Variants in TMEM123 observed in about 807,000 individuals in gnomAD.
The protein encoded by TMEM123 is transmembrane protein 123.
TMEM123 carries 16 observed loss-of-function variants against 19.7 expected under a neutral mutation model. The observed-to-expected ratio is 0.81, with a 90% CI of 0.55 to 1.23. The LOEUF (loss-of-function observed/expected upper bound fraction) is 1.23, where lower values mean the gene tolerates loss of function less well. TMEM123 is among the 50% of genes most tolerant of loss of function. The probability of loss-of-function intolerance (pLI) is 0.00; values close to 1 mark genes in which losing one functional copy is unlikely to be tolerated. For missense variants in TMEM123, 313 were observed against 257.8 expected (o/e 1.21, Z -1.47); for synonymous variants, 118 against 99.4 (o/e 1.19, Z -1.12).
chr11:102,408,903 G>A (rs1177150653), intron 2 of TMEM123, among the ~76,000 whole-genome samples: 1 of 152,188 alleles, frequency 6.6e-6, no homozygotes, highest in Non-Finnish European at 1.5e-5. Context: ...ACACTGTGAA[G>A]CAGTCCATTT....
At position 102,429,941 on chromosome 11, in the gene TMEM123, G is replaced by A. The variant is rs113193582; in HGVS notation, c.157+18871C>T. Among the ~76,000 whole-genome samples, 351 of 152,344 alleles carry A rather than the reference G, an allele frequency of 2.3e-3. 4 individuals carry two copies. Among genetic ancestry groups the A allele is most frequent in the African/African-American group, 7.9e-3 (330 of 41,570 alleles). ...ACCCGAGCATCTCCAGAAGCAGCCT[G>A]TGCGATGGGAGCACCACACAGCAGG... On this transcript the variant is annotated intron_variant, in intron 2 of 4. Transcript: ENST00000398136.
chr11:102,414,867 AC>A (rs919451816), intron 2 of TMEM123, among the ~76,000 whole-genome samples: 85 of 152,268 alleles, frequency 5.6e-4, no homozygotes, highest in African/African-American at 1.9e-3. Context: ...TTGAATGTAA[AC>A]CAACTAGATG....
At chr11:102,432,861 T>C (rs1341539449) in intron 2 of TMEM123, among the ~76,000 whole-genome samples, 1 of 147,532 alleles carries the variant, frequency 6.8e-6, no homozygotes, top group South Asian at 2.1e-4. Context: ...GGGGTCAAAG[T>C]ACAGCTCAGG....
At chr11:102,439,290 C>G (rs1305779260) in intron 2 of TMEM123, among the ~76,000 whole-genome samples, 2 of 152,094 alleles carry the variant, frequency 1.3e-5, no homozygotes, top group Non-Finnish European at 2.9e-5. Context: ...GGACAGACTG[C>G]CTCCTAAAGT....
chr11:102,446,641 C>G (rs148710866), intron 2 of TMEM123, among the ~76,000 whole-genome samples: 382 of 152,280 alleles, frequency 2.5e-3, no homozygotes, highest in African/African-American at 8.8e-3. Flanking sequence ...TACTATGCAC[C>G]AGGCATAGAG....
At chr11:102,400,883 T>G (rs1475330522) in intron 4 of TMEM123, among the ~76,000 whole-genome samples, 1 of 152,102 alleles carries the variant, frequency 6.6e-6, no homozygotes, top group Non-Finnish European at 1.5e-5. Flanking sequence ...CAGCATGAAC[T>G]AAGACAACAC....
At chr11:102,419,294 T>C (rs1288987489) in intron 2 of TMEM123, among the ~76,000 whole-genome samples, 2 of 152,266 alleles carry the variant, frequency 1.3e-5, no homozygotes, top group Non-Finnish European at 2.9e-5. Context: ...TCCTTATTCA[T>C]GTTTCCTCAT....
chr11:102,452,477 C>A, intron 1 of TMEM123, 47 bp downstream of exon 1: 1 of 1,379,612 alleles, frequency 7.2e-7, no homozygotes, highest in East Asian at 2.9e-5. Flanking sequence ...GCCTCGGCAG[C>A]GCGCTGCCTC....
At chr11:102,423,280 C>T (rs1482080128) in intron 2 of TMEM123, among the ~76,000 whole-genome samples, 3 of 152,158 alleles carry the variant, frequency 2.0e-5, no homozygotes, top group Non-Finnish European at 4.4e-5. Context: ...AGCCTCATTC[C>T]ACTTCTCTTG....
Position 102,397,129 on chromosome 11 carries a change from TC to T in TMEM123, c.*1737del, listed in dbSNP as rs1951864111. The stretch of plus-strand genomic sequence containing the variant: ...ATCTAAATGTATTTTTCAGAAAATT[TC>T]CTCCATACTCCATGTATGTGTTACA... On this transcript the variant is annotated 3_prime_UTR_variant, in exon 5 of 5. Coordinates refer to ENST00000398136, the MANE Select transcript of TMEM123 (RefSeq NM_052932.3). 6.6e-6 allele frequency: 1 copy of T among 152,314 alleles called. No homozygotes were observed. Among genetic ancestry groups the T allele is most frequent in the East Asian group, 1.9e-4 (1 of 5,180 alleles). 9.4% of individuals were successfully genotyped at this position (152,314 alleles called of 1,614,324 possible).
At chr11:102,424,737 C>T (rs1415697888) in intron 2 of TMEM123, among the ~76,000 whole-genome samples, 1 of 150,678 alleles carries the variant, frequency 6.6e-6, no homozygotes, top group Non-Finnish European at 1.5e-5. Context: ...GCACAGAAGA[C>T]CCTGAGTTTC....
chr11:102,427,029 A>G (rs1167956318), intron 2 of TMEM123, among the ~76,000 whole-genome samples: 2 of 151,034 alleles, frequency 1.3e-5, no homozygotes, highest in African/African-American at 4.9e-5. Flanking sequence ...TACAGGAGAG[A>G]ACTCTGAGAT....
chr11:102,408,620 C>A (rs1951976204), intron 2 of TMEM123, among the ~76,000 whole-genome samples: 1 of 152,212 alleles, frequency 6.6e-6, no homozygotes, highest in Non-Finnish European at 1.5e-5. Flanking sequence ...CTGAGAAGTG[C>A]TCAATTAATT....
intron 2 of TMEM123, among the ~76,000 whole-genome samples, chr11:102,431,324 T>C (rs1857707038): frequency 6.6e-6 from 1 of 152,246 alleles, no homozygotes; most frequent in Admixed American, 6.5e-5. Context: ...AGTGATGTTA[T>C]GATTTATGAA....
intron 1 of TMEM123, among the ~76,000 whole-genome samples, chr11:102,450,445 C>T (rs1222542485): frequency 6.6e-6 from 1 of 152,218 alleles, no homozygotes. Flanking sequence ...ACAATAAATC[C>T]TGTTTGCTGA....
chr11:102,422,654 C>A (rs147283988), intron 2 of TMEM123, among the ~76,000 whole-genome samples: 24 of 152,200 alleles, frequency 1.6e-4, no homozygotes, highest in African/African-American at 5.1e-4. Flanking sequence ...TACTTCACAC[C>A]AATCTATTTC....
intron 2 of TMEM123, among the ~76,000 whole-genome samples, chr11:102,403,299 C>G (rs1441695316): frequency 6.6e-6 from 1 of 152,210 alleles, no homozygotes; most frequent in Non-Finnish European, 1.5e-5. Context: ...CATGAGCCAC[C>G]GTGCCCGGCC....
At chr11:102,447,086 AAC>A (rs1857892734) in intron 2 of TMEM123, among the ~76,000 whole-genome samples, 3 of 152,224 alleles carry the variant, frequency 2.0e-5, no homozygotes, top group African/African-American at 7.2e-5. Flanking sequence ...TGAGGCGTAA[AAC>A]ACATTGTGCA....
chr11:102,431,738 G>A (rs1424324485), intron 2 of TMEM123, among the ~76,000 whole-genome samples: 2 of 152,168 alleles, frequency 1.3e-5, no homozygotes, highest in Non-Finnish European at 2.9e-5. Flanking sequence ...TGGTGATATG[G>A]GCTGGCTGTG....
Sources: gnomAD v4.1 joint callset for allele counts (sites outside exome capture counted in the v4.1 genomes callset) on GRCh38, gnomAD v4.1.1 for gene constraint, MANE v1.5 for transcripts, NCBI Gene and HGNC (gene_info 2026-07-23, HGNC 2026-07-21) for gene names.